The following ICE2 variants were observed in gnomAD, a reference collection of about 807,000 sequenced individuals.
ICE2 encodes little elongation complex subunit 2.
In ICE2, 87 loss-of-function variants were observed where a neutral mutation model predicts 105.4. The ratio of observed to expected loss-of-function variants is 0.83; its 90% CI spans 0.69 to 0.99. The LOEUF (loss-of-function observed/expected upper bound fraction) is 0.99, where lower values mean the gene tolerates loss of function less well. Ranked by LOEUF, ICE2 falls within the 50% of genes least tolerant of loss-of-function variation. The probability of loss-of-function intolerance (pLI) is 0.00; values close to 1 mark genes in which losing one functional copy is unlikely to be tolerated. For missense variants in ICE2, 1,323 were observed against 1,146.7 expected, an observed-to-expected ratio of 1.15 and a Z score of -2.22; for synonymous variants, 399 against 392.0, an observed-to-expected ratio of 1.02 and a Z score of -0.21.
Position 60,453,661 on chromosome 15 carries a change from G to C in ICE2, c.1067C>G (p.Ser356Cys), listed in dbSNP as rs907341248. Residue 356 changes from serine to cysteine, a missense_variant, in exon 9 of 16, where the codon TCT becomes TGT. Physicochemically the swap from Ser to Cys is moderately radical, Grantham distance 112 (BLOSUM62 -1). Transcript: ENST00000261520. ...CATAAAGACTGCAGAGACTGGAACA[G>C]ATGTGTTTTTGGACATCATAAATTT... ...PLKFMMSKNTSVPVSAVFMDK... is the reference protein window; with the variant it reads ...PLKFMMSKNTCVPVSAVFMDK... The C allele has an allele frequency of 1.2e-6, 2 of 1,613,470 alleles. No homozygotes were observed. The highest frequency in any genetic ancestry group is 2.7e-5 in the African/African-American group (2 of 74,918).
chr15:60,431,755 A>T (rs2063465453), intron 14 of ICE2, among the ~76,000 whole-genome samples, 179 bp downstream of exon 14: 1 of 152,244 alleles, frequency 6.6e-6, no homozygotes, highest in Non-Finnish European at 1.5e-5. Flanking sequence ...CAAGCTCATT[A>T]AAGCCAGATA....
chr15:60,464,823 C>T (rs1281362905), intron 5 of ICE2, among the ~76,000 whole-genome samples: 2 of 152,114 alleles, frequency 1.3e-5, no homozygotes, highest in Non-Finnish European at 2.9e-5. Flanking sequence ...TTGAGACCAG[C>T]CTGGTGAACA....
intron 13 of ICE2, 72 bp from the exon 14 acceptor site, chr15:60,432,056 G>A: frequency 1.4e-6 from 1 of 722,486 alleles, no homozygotes; most frequent in Non-Finnish European, 2.4e-6. Context: ...AGCTCCTCAG[G>A]CAGAGAAATG....
intron 14 of ICE2, among the ~76,000 whole-genome samples, chr15:60,430,340 C>G (rs1224579804): frequency 6.6e-6 from 1 of 152,188 alleles, no homozygotes; most frequent in Non-Finnish European, 1.5e-5. Flanking sequence ...TTCCCAGAGC[C>G]TACAGAAAGG....
intron 5 of ICE2, among the ~76,000 whole-genome samples, chr15:60,465,186 G>GTT (rs575012301): frequency 6.7e-6 from 1 of 148,588 alleles, no homozygotes; most frequent in African/African-American, 2.5e-5. Flanking sequence ...TCCTTACAGT[G>GTT]TTTTTTTTTT....
intron 7 of ICE2, 40 bp from the exon 8 acceptor site, chr15:60,455,202 T>A (rs778740885): frequency 6.5e-7 from 1 of 1,546,666 alleles, no homozygotes; most frequent in Non-Finnish European, 8.7e-7. Context: ...GTTATACTTA[T>A]TGAAAATTTC....
chr15:60,438,222 A>G (rs1180480582), intron 12 of ICE2: 1 of 152,220 alleles, frequency 6.6e-6, no homozygotes, highest in African/African-American at 2.4e-5. Context: ...TGATGAGAAT[A>G]TAAGACGTAT....
In ICE2 at chr15:60,466,179, A is replaced by G. The variant is rs1027706026; in HGVS notation, c.528+415T>C. ...GTGAAGTATCCAAAAATGAACTCAG[A>G]GTTGAAATTTATCATTTTGTGGCTG... is the stretch of plus-strand genomic sequence containing the variant. On this transcript the variant is annotated intron_variant, in intron 5 of 15. Transcript: ENST00000261520. Among the ~76,000 whole-genome samples the G allele has an allele frequency of 6.6e-5, 10 of 152,354 alleles. No homozygotes were observed. In the East Asian group the frequency reaches 1.7e-3, roughly 26 times the overall value.
intron 14 of ICE2, among the ~76,000 whole-genome samples, chr15:60,430,024 C>G (rs895295046): frequency 6.6e-6 from 1 of 152,072 alleles, no homozygotes; most frequent in African/African-American, 2.4e-5. Context: ...GAATAGTGGC[C>G]TCCTAGAAAT....
chr15:60,462,864 C>T (rs1390055258), intron 5 of ICE2, among the ~76,000 whole-genome samples: 1 of 152,142 alleles, frequency 6.6e-6, no homozygotes, highest in Non-Finnish European at 1.5e-5. Flanking sequence ...TGCAAATCTA[C>T]TCAAGTTGAA....
At chr15:60,443,527 GC>G (rs2063763064) in intron 11 of ICE2, among the ~76,000 whole-genome samples, 1 of 152,152 alleles carries the variant, frequency 6.6e-6, no homozygotes, top group African/African-American at 2.4e-5. Context: ...CATGTGATTT[GC>G]CCTTGAACTA....
intron 13 of ICE2, among the ~76,000 whole-genome samples, chr15:60,434,519 TTACA>T (rs1342802891): frequency 8.9e-6 from 1 of 112,248 alleles, no homozygotes; most frequent in African/African-American, 3.7e-5. Context: ...TAAAATGTGA[TTACA>T]CACACACACA....
intron 5 of ICE2, among the ~76,000 whole-genome samples, chr15:60,459,529 T>A (rs2064215522): frequency 6.6e-6 from 1 of 152,200 alleles, no homozygotes. Flanking sequence ...AATACATAGG[T>A]TTTCAGGAAG....
rs916002267 is a variant in ICE2 at position 60,421,036 on chromosome 15, G to C, written c.*2598C>G. ...AATATGGTGAGATCTGAAAAAACAA[G>C]GCTATGAGAGAATAACTGTGGGGAC... On this transcript the variant is annotated 3_prime_UTR_variant, in exon 16 of 16. Coordinates refer to ENST00000261520, the MANE Select transcript of ICE2 (RefSeq NM_024611.6). 1 of 151,726 alleles carries C rather than the reference G, an allele frequency of 6.6e-6. No homozygotes were observed. Among genetic ancestry groups the C allele is most frequent in the African/African-American group, 2.4e-5 (1 of 41,042 alleles). 9.4% of individuals were successfully genotyped at this position (151,726 alleles called of 1,614,324 possible). A position where few individuals can be genotyped will look rare whatever the true frequency, so the allele number is the denominator to read the frequency against.
chr15:60,469,328 T>C (rs1286144267), intron 3 of ICE2, among the ~76,000 whole-genome samples: 1 of 151,746 alleles, frequency 6.6e-6, no homozygotes, highest in Non-Finnish European at 1.5e-5. Flanking sequence ...TTAGGAAAAA[T>C]AGCTAATGCA....
At position 60,458,546 on chromosome 15, in the gene ICE2, C is replaced by T. The variant is rs560862106; in HGVS notation, c.529-1752G>A. Among the ~76,000 whole-genome samples the T allele has an allele frequency of 1.8e-3, 279 of 152,182 alleles. 3 individuals are homozygous for T. In the Middle Eastern group the frequency reaches 0.027, roughly 15 times the overall value. ...TATGAAAGGTGAGGTGGCTTAAGGGCTAATTCTTCAACCAGTTCTAAGATC... is the reference window on the plus strand; with the variant it reads ...TATGAAAGGTGAGGTGGCTTAAGGGTTAATTCTTCAACCAGTTCTAAGATC... On this transcript the variant is annotated intron_variant, in intron 5 of 15. Transcript: ENST00000261520.
At position 60,455,272 on chromosome 15, in the gene ICE2, T is replaced by G; in HGVS notation, c.783+54A>C. ...TTTGGGACAATCGGGTTAGATATAT[T>G]TTGTGAGATATAAAAGATTATTTAG... On this transcript the variant is annotated intron_variant, in intron 7 of 15. Coordinates refer to ENST00000261520, the MANE Select transcript of ICE2 (RefSeq NM_024611.6). 9.1e-6 allele frequency: 14 copies of G among 1,545,946 alleles called. No individual in the cohort carries two copies. In the South Asian group the frequency reaches 1.6e-4, roughly 18 times the overall value.
chr15:60,465,345 A>C (rs77614308), intron 5 of ICE2, among the ~76,000 whole-genome samples: 3,216 of 152,282 alleles, frequency 0.021, 121 homozygotes, highest in African/African-American at 0.068. Flanking sequence ...CTACAGGCAC[A>C]TGCCACCATG....
chr15:60,450,844 A>G (rs984578549), intron 9 of ICE2, among the ~76,000 whole-genome samples: 2 of 152,240 alleles, frequency 1.3e-5, no homozygotes, highest in African/African-American at 2.4e-5. Flanking sequence ...AGTAAATGGT[A>G]GCTAGTGAAT....
Sources: allele counts gnomAD v4.1 joint callset (sites outside exome capture counted in the v4.1 genomes callset), GRCh38; gene constraint gnomAD v4.1.1; transcripts MANE v1.5; gene names NCBI Gene and HGNC (gene_info 2026-07-23, HGNC 2026-07-21).